Variants in KMT2C observed in about 807,000 individuals in gnomAD.
KMT2C encodes the protein histone-lysine N-methyltransferase 2C.
In KMT2C, 88 loss-of-function variants were observed where a neutral mutation model predicts 507.9. The ratio of observed to expected loss-of-function variants is 0.17; its 90% confidence interval spans 0.15 to 0.21. KMT2C has a LOEUF of 0.21. KMT2C is among the 10% of genes least tolerant of loss of function. KMT2C has a pLI of 1.00. For missense variants in KMT2C, 4,954 were observed against 5,957.8 expected, an observed-to-expected ratio of 0.83 and a Z score of 5.55; for synonymous variants, 2,049 against 2,080.8, an observed-to-expected ratio of 0.98 and a Z score of 0.42.
intron 23 of KMT2C, among the ~76,000 whole-genome samples, chr7:152,207,741 G>A (rs934161865): frequency 7.2e-5 from 11 of 152,122 alleles, no homozygotes; most frequent in African/African-American, 2.7e-4. Flanking sequence ...CAGGTCTCTA[G>A]ACTAGAACTC....
At position 152,423,622 on chromosome 7, in the gene KMT2C, T is replaced by C. The variant is rs553283617; in HGVS notation, c.161+12004A>G. On this transcript the variant is annotated intron_variant, in intron 1 of 58. Coordinates refer to ENST00000262189, the MANE Select transcript of KMT2C (RefSeq NM_170606.3). ...AGACACTCCTGATGACTTTGCAGTG[T>C]AGAGGGACAATACCAGCCTCAGTAC... 7.2e-5 allele frequency among the ~76,000 whole-genome samples: 11 copies of C among 152,284 alleles called. No individual in the cohort carries two copies. In the East Asian group the frequency reaches 1.5e-3, roughly 21 times the overall value.
chr7:152,434,207 TAA>T (rs1564248451), intron 1 of KMT2C, among the ~76,000 whole-genome samples: 95 of 152,330 alleles, frequency 6.2e-4, no homozygotes, highest in African/African-American at 2.2e-3. Flanking sequence ...AGTGGCATAA[TAA>T]ATAAGTCCTA....
intron 23 of KMT2C, among the ~76,000 whole-genome samples, chr7:152,210,462 C>T (rs1169709321): frequency 6.6e-6 from 1 of 152,150 alleles, no homozygotes; most frequent in Admixed American, 6.5e-5. Flanking sequence ...GCTTGTCCAA[C>T]CTGCAGCCAA....
At chr7:152,367,791 G>A (rs1182434627) in intron 1 of KMT2C, 3 of 954,236 alleles carry the variant, frequency 3.1e-6, no homozygotes, top group Admixed American at 1.7e-5. Flanking sequence ...AGAATCACGA[G>A]TGAACAGACG....
chr7:152,343,901 C>T (rs73164515), intron 2 of KMT2C, among the ~76,000 whole-genome samples: 4 of 152,118 alleles, frequency 2.6e-5, no homozygotes, highest in Non-Finnish European at 5.9e-5. Flanking sequence ...GTTAAAAGTC[C>T]TTCAGAGAGA....
chr7:152,249,065 T>G (rs2095520604), intron 13 of KMT2C, among the ~76,000 whole-genome samples: 1 of 152,198 alleles, frequency 6.6e-6, no homozygotes, highest in Admixed American at 6.5e-5. Context: ...AATATTTATT[T>G]TGCTTAACCA....
intron 44 of KMT2C, chr7:152,157,848 T>C (rs779131488): frequency 6.7e-6 from 9 of 1,336,730 alleles, no homozygotes; most frequent in East Asian, 4.6e-5. Flanking sequence ...CACTATTAAA[T>C]TGGCCACTGC....
chr7:152,327,735 G>C (rs1326565231), intron 3 of KMT2C, among the ~76,000 whole-genome samples: 1 of 152,056 alleles, frequency 6.6e-6, no homozygotes, highest in Non-Finnish European at 1.5e-5. Context: ...AAGGCGGGTG[G>C]ATCACGAGGT....
chr7:152,362,387 A>AT (rs1563992404), intron 1 of KMT2C, among the ~76,000 whole-genome samples: 1 of 151,664 alleles, frequency 6.6e-6, no homozygotes, highest in Non-Finnish European at 1.5e-5. Context: ...AGGTCTAAGA[A>AT]TTTTTTTTTA....
chr7:152,314,599 A>C (rs2096706180), intron 4 of KMT2C, among the ~76,000 whole-genome samples: 1 of 152,026 alleles, frequency 6.6e-6, no homozygotes, highest in Admixed American at 6.6e-5. Flanking sequence ...GGAGGGAAGA[A>C]TGTATAGGAC....
intron 9 of KMT2C, among the ~76,000 whole-genome samples, chr7:152,254,900 CAAAT>C (rs2095619930): frequency 6.6e-6 from 1 of 151,642 alleles, no homozygotes; most frequent in South Asian, 2.1e-4. Flanking sequence ...TTCACACACA[CAAAT>C]AACGAGTTAA....
chr7:152,224,862 C>T (rs1012418521), intron 18 of KMT2C, among the ~76,000 whole-genome samples: 1 of 152,016 alleles, frequency 6.6e-6, no homozygotes, highest in African/African-American at 2.4e-5. Flanking sequence ...CACATAATTA[C>T]CTTATGCTGT....
chr7:152,202,859 C>G, intron 26 of KMT2C, 75 bp downstream of exon 26: 1 of 1,192,934 alleles, frequency 8.4e-7, no homozygotes, highest in Non-Finnish European at 1.2e-6. Context: ...AACAACAAAC[C>G]TATGTTTTAA....
At chr7:152,312,152 T>C (rs1380182689) in intron 4 of KMT2C, 3 of 368,134 alleles carry the variant, frequency 8.1e-6, no homozygotes, top group Non-Finnish European at 1.5e-5. Context: ...AAGTAACAAG[T>C]AAGAAAAAGA....
At chr7:152,218,245 ACCTCTGCCTCCTGGGTTCAAGCAAT>A (rs1162345818) in intron 23 of KMT2C, among the ~76,000 whole-genome samples, 1 of 152,014 alleles carries the variant, frequency 6.6e-6, no homozygotes, top group African/African-American at 2.4e-5. Context: ...GCTCACTGCA[ACCTCTGCCTCCTGGGTTCAAGCAAT>A]CCTCTGCCTC....
rs563936515 is a variant in KMT2C, at chr7:152,250,279, T to C, written c.1736-326A>G. Among the ~76,000 whole-genome samples, 12 of 152,330 alleles carry C rather than the reference T, an allele frequency of 7.9e-5. No homozygotes were observed. The East Asian group carries it at 2.3e-3, about 29-fold the overall frequency. On this transcript the variant is annotated intron_variant, in intron 12 of 58. Coordinates refer to ENST00000262189, the MANE Select transcript of KMT2C (RefSeq NM_170606.3). Reference sequence around the variant, plus strand: ...TCAGTGGCTTTTTATGTATACATTATAATTTTTATGTATACTATATAATTG... The same window carrying C: ...TCAGTGGCTTTTTATGTATACATTACAATTTTTATGTATACTATATAATTG...
At chr7:152,165,750 G>A (rs1010398452) in intron 42 of KMT2C, among the ~76,000 whole-genome samples, 8 of 152,116 alleles carry the variant, frequency 5.3e-5, no homozygotes, top group African/African-American at 1.4e-4. Context: ...GTGCAATGGT[G>A]CAATCTCAGC....
chr7:152,352,391 T>C (rs551715333), intron 2 of KMT2C, among the ~76,000 whole-genome samples: 2 of 152,302 alleles, frequency 1.3e-5, no homozygotes, highest in East Asian at 3.9e-4. Context: ...CCTGCCTTCA[T>C]TTGCCTTGTG....
Position 152,187,861 on chromosome 7 carries a change from A to T in KMT2C, c.4661-14T>A. ...GTGAAAAAGCATCTTCAGAGAAAAA[A>T]ATAATTCCGTTGGCATGATATTCAC... On this transcript the variant is annotated splice_polypyrimidine_tract_variant and intron_variant, in intron 31 of 58. Coordinates refer to ENST00000262189, the MANE Select transcript of KMT2C (RefSeq NM_170606.3). The T allele has an allele frequency of 6.2e-7, 1 of 1,612,902 alleles. No homozygotes were observed.
Sources: gnomAD v4.1 joint callset for allele counts (sites outside exome capture counted in the v4.1 genomes callset) on GRCh38, gnomAD v4.1.1 for gene constraint, MANE v1.5 for transcripts, NCBI Gene and HGNC (gene_info 2026-07-23, HGNC 2026-07-21) for gene names.